The following ABAT variants were observed in gnomAD, a reference collection of about 807,000 sequenced individuals.
ABAT encodes 4-aminobutyrate aminotransferase, also known as 4-aminobutyrate aminotransferase, mitochondrial.
Under a neutral mutation model 64.6 loss-of-function variants are expected in ABAT, and 45 were observed. The observed-to-expected ratio is 0.70, with a 90% confidence interval of 0.55 to 0.89. The LOEUF (loss-of-function observed/expected upper bound fraction) is 0.89. Ranked by LOEUF, ABAT falls within the 40% of genes least tolerant of loss-of-function variation. ABAT has a pLI of 0.00. For synonymous variants in ABAT, 297 were observed against 250.5 expected, an observed-to-expected ratio of 1.19 and a Z score of -1.75; for missense variants, 633 against 658.4, an observed-to-expected ratio of 0.96 and a Z score of 0.42.
chr16:8,771,561 T>C (rs1273417), intron 11 of ABAT, among the ~76,000 whole-genome samples: 138,731 of 151,354 alleles, frequency 0.92, 64,298 homozygotes, highest in East Asian at 1. Flanking sequence ...TTCTACCTCC[T>C]GGGTTCAAGC....
intron 5 of ABAT, among the ~76,000 whole-genome samples, chr16:8,751,660 C>G (rs1412668641): frequency 1.3e-5 from 2 of 152,118 alleles, no homozygotes; most frequent in South Asian, 4.1e-4. Context: ...ATAATCTCCT[C>G]GGAAAAGTGG....
Position 8,764,857 on chromosome 16 carries a change from A to G in ABAT, c.540+27A>G. On this transcript the variant is annotated intron_variant, in intron 8 of 15. Coordinates refer to ENST00000268251, the MANE Select transcript of ABAT (RefSeq NM_020686.6). This position sits in a 1 kb window ranked among gnomAD's most constrained non-coding sequence, Gnocchi z 4.2. ...TGAGGTTTGGGGCACACACACACAC[A>G]CACACACAGGCTCCCCAGCACCCAG... 1.9e-6 allele frequency: 3 copies of G among 1,586,808 alleles called. No homozygotes were observed. Among genetic ancestry groups the G allele is most frequent in the Non-Finnish European group, 2.6e-6 (3 of 1,155,518 alleles).
In ABAT at chr16:8,735,732, A is replaced by G; in HGVS notation, c.-8A>G. ...CACGCAAAGGGTGTCCCTGTCCCTC[A>G]AGGGGTCATGGCCTCCATGTTGCTC... On this transcript the variant is annotated 5_prime_UTR_variant, in exon 2 of 16. Coordinates refer to ENST00000268251, the MANE Select transcript of ABAT (RefSeq NM_020686.6). 1 of 1,599,538 alleles carries G rather than the reference A, an allele frequency of 6.3e-7. No homozygotes were observed.
Position 8,781,500 on chromosome 16 carries a change from T to A in ABAT, c.*70T>A, listed in dbSNP as rs962261214. 15 of 1,598,058 alleles carry A rather than the reference T, an allele frequency of 9.4e-6. No homozygotes were observed. Among genetic ancestry groups the A allele is most frequent in the Non-Finnish European group, 1.2e-5 (14 of 1,168,292 alleles). On this transcript the variant is annotated 3_prime_UTR_variant, in exon 16 of 16. Transcript: ENST00000268251. The surrounding 1 kb of genome is among the most constrained non-coding windows in gnomAD (Gnocchi z 4.5). ...TGTCAAATTGATTAGTTTGCCTAATTCATGTTTTCACTTAAAAGTATCAGA... is the reference window on the plus strand; with the variant it reads ...TGTCAAATTGATTAGTTTGCCTAATACATGTTTTCACTTAAAAGTATCAGA...
intron 1 of ABAT, among the ~76,000 whole-genome samples, chr16:8,692,857 A>G (rs1340579139): frequency 6.6e-6 from 1 of 152,118 alleles, no homozygotes; most frequent in Non-Finnish European, 1.5e-5. Flanking sequence ...ATCCAAAGGT[A>G]CCTTTTTCTT....
At chr16:8,755,429 A>C (rs2059621743) in intron 5 of ABAT, among the ~76,000 whole-genome samples, 1 of 152,222 alleles carries the variant, frequency 6.6e-6, no homozygotes, top group Non-Finnish European at 1.5e-5. Flanking sequence ...GTGAGGATGC[A>C]TTCATCAGGG....
chr16:8,758,855 T>A (rs1444370007), intron 6 of ABAT, among the ~76,000 whole-genome samples: 4 of 152,110 alleles, frequency 2.6e-5, no homozygotes, highest in Non-Finnish European at 5.9e-5. Flanking sequence ...CCCAGCACTT[T>A]GGGAGGCTGA....
intron 2 of ABAT, 127 bp downstream of exon 2, chr16:8,735,936 A>C (rs1596441052): frequency 1.3e-6 from 1 of 793,934 alleles, no homozygotes; most frequent in Non-Finnish European, 2.1e-6. Context: ...GGACTGTCCC[A>C]CTGTATTAGT....
chr16:8,715,444 C>G (rs961792775), intron 1 of ABAT: 1 of 151,382 alleles, frequency 6.6e-6, no homozygotes, highest in Non-Finnish European at 1.5e-5. Flanking sequence ...ATAGGGAGAC[C>G]CCATCTCTAC....
Position 8,770,340 on chromosome 16 carries a change from T to A in ABAT, c.816+1367T>A, listed in dbSNP as rs151145172. ...TTTTAATAGAGACAGGGTTTCACCG[T>A]GTTAGCCAGGATGGTCTCGATCTCC... is the stretch of plus-strand genomic sequence containing the variant. On this transcript the variant is annotated intron_variant, in intron 11 of 15. Transcript: ENST00000268251. Among the ~76,000 whole-genome samples the A allele has an allele frequency of 8.6e-3, 1,305 of 152,286 alleles. 16 individuals carry two copies. The highest frequency in any genetic ancestry group is 0.028 in the African/African-American group (1,173 of 41,552).
At chr16:8,778,461 T>C (rs1043000265) in intron 14 of ABAT, among the ~76,000 whole-genome samples, 1 of 152,120 alleles carries the variant, frequency 6.6e-6, no homozygotes, top group Non-Finnish European at 1.5e-5. Context: ...TGTCTCCAGA[T>C]TGTCTTCTTC....
At chr16:8,746,620 A>G (rs1414308596) in intron 3 of ABAT, among the ~76,000 whole-genome samples, 1 of 151,456 alleles carries the variant, frequency 6.6e-6, no homozygotes, top group Non-Finnish European at 1.5e-5. Flanking sequence ...ACCTCAAGTG[A>G]TCCACCCGCG....
At chr16:8,679,288 G>T (rs1296078881) in intron 1 of ABAT, among the ~76,000 whole-genome samples, 4 of 152,180 alleles carry the variant, frequency 2.6e-5, no homozygotes, top group Non-Finnish European at 4.4e-5. Context: ...CTTTGAGTTT[G>T]CTGATAGTTA....
chr16:8,754,008 T>C (rs916822177), intron 5 of ABAT, among the ~76,000 whole-genome samples: 12 of 151,974 alleles, frequency 7.9e-5, no homozygotes, highest in Non-Finnish European at 1.6e-4. Flanking sequence ...TTGTTCCTAC[T>C]GCATTCAACC....
intron 1 of ABAT, among the ~76,000 whole-genome samples, chr16:8,716,339 T>A (rs1039960079): frequency 6.6e-6 from 1 of 152,154 alleles, no homozygotes; most frequent in African/African-American, 2.4e-5. Context: ...CAGAAGGTTG[T>A]TCTGATGGGT....
chr16:8,738,604 G>T (rs796195665), intron 2 of ABAT: 87 of 258,882 alleles, frequency 3.4e-4, no homozygotes, highest in South Asian at 7.3e-4. Context: ...TTTCTTTTTT[G>T]TTTTTGTTTT....
chr16:8,733,650 C>T (rs1212306903), intron 1 of ABAT, among the ~76,000 whole-genome samples: 1 of 151,884 alleles, frequency 6.6e-6, no homozygotes, highest in Non-Finnish European at 1.5e-5. Context: ...GCCAACACAG[C>T]GAAACCCCGT....
intron 6 of ABAT, among the ~76,000 whole-genome samples, chr16:8,761,970 C>G (rs1229259709): frequency 7.0e-6 from 1 of 142,680 alleles, no homozygotes; most frequent in Non-Finnish European, 1.5e-5. Context: ...TTCTTTCTTC[C>G]TTCTTCTTCC....
rs1271685406 is a variant in ABAT, at chr16:8,732,901, G to A, written c.-41-2798G>A. The stretch of plus-strand genomic sequence containing the variant: ...CCGGGCAGAGGCGCCCCTCACCTCC[G>A]GACGGGGCGGCTGGCCGGGCGGGGG... On this transcript the variant is annotated intron_variant, in intron 1 of 15. Transcript: ENST00000268251. 5.9e-4 allele frequency among the ~76,000 whole-genome samples: 87 copies of A among 147,564 alleles called. 1 individual carries two copies. The highest frequency in any genetic ancestry group is 6.0e-4 in the Admixed American group (9 of 14,960).
Sources: gnomAD v4.1 joint callset for allele counts (sites outside exome capture counted in the v4.1 genomes callset) on GRCh38, gnomAD v4.1.1 for gene constraint, Gnocchi (gnomAD v3.1) non-coding constraint, MANE v1.5 for transcripts, NCBI Gene and HGNC (gene_info 2026-07-23, HGNC 2026-07-21) for gene names.